Variants in RNF144A observed in about 807,000 individuals in gnomAD.
RNF144A encodes the protein ring finger protein 144A, also known as E3 ubiquitin-protein ligase RNF144A.
Under a neutral mutation model 38.7 loss-of-function variants are expected in RNF144A, and 11 were observed. That is an observed-to-expected ratio of 0.28 (90% CI 0.18 to 0.47). RNF144A has a LOEUF of 0.47. Among genes scored for constraint, RNF144A ranks in the 20% least tolerant of loss-of-function variants. The pLI, the probability that RNF144A is intolerant of heterozygous loss-of-function variation, is 0.99. For missense variants in RNF144A, 316 were observed against 377.2 expected, an observed-to-expected ratio of 0.84 and a Z score of 1.34; for synonymous variants, 149 against 143.9, an observed-to-expected ratio of 1.04 and a Z score of -0.25.
At chr2:7,029,980 C>A in intron 7 of RNF144A, 146 bp from the exon 8 acceptor site, 1 of 634,078 alleles carries the variant, frequency 1.6e-6, no homozygotes, top group Non-Finnish European at 2.8e-6. Context: ...GCCAGGTGTT[C>A]CCGGATGCGT....
chr2:6,930,083 G>A lies in RNF144A; in HGVS notation c.-211-10865G>A, dbSNP rs987913721. On this transcript the variant is annotated intron_variant, in intron 1 of 8. Transcript: ENST00000320892. ...CGCTTTGGAGAATCCAGCTCCAAGA[G>A]ATGATACTAAATGTGGAGAAAAATA... Among the ~76,000 whole-genome samples the A allele has an allele frequency of 7.2e-5, 11 of 152,266 alleles. No individual in the cohort carries two copies. The South Asian group carries it at 1.9e-3, about 26-fold the overall frequency.
Position 7,042,686 on chromosome 2 carries a change from T to C in RNF144A, c.*2926T>C, listed in dbSNP as rs55688218. The C allele has an allele frequency of 0.082, 81,115 of 985,402 alleles. 3,526 individuals carry two copies. The highest frequency in any genetic ancestry group is 0.18 in the Middle Eastern group (339 of 1,914). The allele number at this position is 985,402 out of a possible 1,614,324, so 61.0% of individuals were successfully genotyped here. A position where few individuals can be genotyped will look rare whatever the true frequency, so the allele number is the denominator to read the frequency against. ...CCAGCCAGATGAGCTTGCAGCCTCATAGGAGGTCAGCACCTTGCAAAGATG... is the reference window on the plus strand; with the variant it reads ...CCAGCCAGATGAGCTTGCAGCCTCACAGGAGGTCAGCACCTTGCAAAGATG... On this transcript the variant is annotated 3_prime_UTR_variant, in exon 9 of 9. Transcript: ENST00000320892.
intron 2 of RNF144A, among the ~76,000 whole-genome samples, chr2:6,950,274 A>C (rs1295503977): frequency 6.6e-6 from 1 of 152,176 alleles, no homozygotes; most frequent in Non-Finnish European, 1.5e-5. Flanking sequence ...GCTAAACCTT[A>C]TATCCTTTTA....
rs908157597 is a variant in RNF144A at position 7,040,707 on chromosome 2, G to A, written c.*947G>A. ...TCTTCAGATAGACAGTAAGAAGAAA[G>A]CAGCCTCATTGATCCGCAGATGTAG... On this transcript the variant is annotated 3_prime_UTR_variant, in exon 9 of 9. Coordinates refer to ENST00000320892, the MANE Select transcript of RNF144A (RefSeq NM_014746.6). The A allele has an allele frequency of 3.1e-5, 31 of 985,370 alleles. No homozygotes were observed. The African/African-American group carries it at 5.4e-4, about 17-fold the overall frequency. 61.0% of individuals were successfully genotyped at this position (985,370 alleles called of 1,614,324 possible).
Position 6,943,999 on chromosome 2 carries a change from A to G in RNF144A, c.-12+2852A>G, listed in dbSNP as rs1227314212. Among the ~76,000 whole-genome samples the G allele has an allele frequency of 2.0e-5, 3 of 152,150 alleles. No individual in the cohort carries two copies. Among genetic ancestry groups the G allele is most frequent in the Non-Finnish European group, 4.4e-5 (3 of 68,014 alleles). On this transcript the variant is annotated intron_variant, in intron 2 of 8. Transcript: ENST00000320892. This position sits in a 1 kb window ranked among gnomAD's most constrained non-coding sequence, Gnocchi z 4.3. ...GCCCTGATGGGGAGTTGAAGTGTGC[A>G]GGAGGTCAAGGATTGAGTGATCTTT...
chr2:6,978,884 G>A (rs907438466), intron 2 of RNF144A: 9 of 152,680 alleles, frequency 5.9e-5, no homozygotes, highest in African/African-American at 1.9e-4. Context: ...GTTTCCCATT[G>A]TTGTCCAGCA....
chr2:6,922,501 G>A (rs1343028784), intron 1 of RNF144A, among the ~76,000 whole-genome samples: 1 of 152,186 alleles, frequency 6.6e-6, no homozygotes, highest in Non-Finnish European at 1.5e-5. Context: ...GTGGAGCAGG[G>A]CATGTTTATT....
rs1023711988 is a variant in RNF144A at position 6,943,301 on chromosome 2, C to T, written c.-12+2154C>T. Among the ~76,000 whole-genome samples the T allele has an allele frequency of 3.9e-5, 6 of 152,158 alleles. No individual in the cohort carries two copies. The highest frequency in any genetic ancestry group is 1.4e-4 in the African/African-American group (6 of 41,412). Reference sequence around the variant, plus strand: ...AACAACCAGGGAGGAAGCGGGGGAACCAGGAGCATGGAGAGGACTGAGAAT... The same window carrying T: ...AACAACCAGGGAGGAAGCGGGGGAATCAGGAGCATGGAGAGGACTGAGAAT... On this transcript the variant is annotated intron_variant, in intron 2 of 8. Transcript: ENST00000320892. The surrounding 1 kb of genome is among the most constrained non-coding windows in gnomAD (Gnocchi z 4.3).
intron 2 of RNF144A, among the ~76,000 whole-genome samples, chr2:6,949,281 G>T (rs1411876304): frequency 6.6e-6 from 1 of 152,048 alleles, no homozygotes; most frequent in African/African-American, 2.4e-5. Flanking sequence ...CAAACAGGAG[G>T]TTTGTATATA....
intron 3 of RNF144A, among the ~76,000 whole-genome samples, chr2:6,999,449 G>A (rs577817839): frequency 6.6e-6 from 1 of 152,256 alleles, no homozygotes; most frequent in East Asian, 1.9e-4. Flanking sequence ...TTTTTGGGGG[G>A]TGCAGACATG....
chr2:6,944,686 A>G lies in RNF144A; in HGVS notation c.-12+3539A>G, dbSNP rs1277061982. Among the ~76,000 whole-genome samples the G allele has an allele frequency of 6.6e-6, 1 of 152,054 alleles. No homozygotes were observed. Among genetic ancestry groups the G allele is most frequent in the African/African-American group, 2.4e-5 (1 of 41,394 alleles). ...GGGTCTCCTCAGGTGTGAGGGAGAC[A>G]TTAAAGAACCCTGGAGAAAACACAT... On this transcript the variant is annotated intron_variant, in intron 2 of 8. Transcript: ENST00000320892. This position sits in a 1 kb window ranked among gnomAD's most constrained non-coding sequence, Gnocchi z 4.7.
intron 1 of RNF144A, among the ~76,000 whole-genome samples, chr2:6,931,114 A>G (rs1009256956): frequency 6.6e-6 from 1 of 152,198 alleles, no homozygotes; most frequent in Non-Finnish European, 1.5e-5. Flanking sequence ...GAACTGGGAC[A>G]GTGTGCCCGG....
At chr2:6,953,256 G>A (rs965816016) in intron 2 of RNF144A, among the ~76,000 whole-genome samples, 4 of 152,064 alleles carry the variant, frequency 2.6e-5, no homozygotes, top group Admixed American at 1.3e-4. Flanking sequence ...GTGAAACTCC[G>A]TGTCTTCTAA....
chr2:7,075,775 A>G, the RNF144A span, among the ~76,000 whole-genome samples: 2,343 of 152,260 alleles, frequency 0.015, 62 homozygotes, highest in African/African-American at 0.054. Context: ...TCAGCCTTGA[A>G]AGACACATGG....
chr2:6,976,554 AATTT>A (rs1222900299), intron 2 of RNF144A, among the ~76,000 whole-genome samples: 1 of 149,954 alleles, frequency 6.7e-6, no homozygotes, highest in African/African-American at 2.4e-5. Flanking sequence ...AAGGTTTTGA[AATTT>A]ATATATATAT....
intron 1 of RNF144A, among the ~76,000 whole-genome samples, chr2:6,934,961 A>G (rs1665472609): frequency 6.6e-6 from 1 of 152,226 alleles, no homozygotes; most frequent in Non-Finnish European, 1.5e-5. Flanking sequence ...CACTCAAAAA[A>G]AAGAAAAAAA....
At chr2:7,028,557 C>T (rs763348155) in intron 7 of RNF144A, among the ~76,000 whole-genome samples, 1 of 152,160 alleles carries the variant, frequency 6.6e-6, no homozygotes, top group Non-Finnish European at 1.5e-5. Flanking sequence ...ATTTGGTTTG[C>T]GTTTCAGAAA....
At chr2:7,047,917 C>T (rs142357660), downstream of RNF144A, among the ~76,000 whole-genome samples, 332 of 152,236 alleles carry the variant, frequency 2.2e-3, 11 homozygotes, top group East Asian at 0.055. Context: ...GCTGGGAACC[C>T]AAGTCTGCCC....
rs889214774 is a variant in RNF144A, at chr2:7,019,039, A to T, written c.302-1434A>T. Among the ~76,000 whole-genome samples the T allele has an allele frequency of 2.0e-5, 3 of 152,354 alleles. No homozygotes were observed. In the South Asian group the frequency reaches 6.2e-4, roughly 32 times the overall value. Reference sequence around the variant, plus strand: ...ATCACTGTGTCTGCTTTTATGCAACAGCAAAGCCCAGTAGCTGCGACAGAA... The same window carrying T: ...ATCACTGTGTCTGCTTTTATGCAACTGCAAAGCCCAGTAGCTGCGACAGAA... On this transcript the variant is annotated intron_variant, in intron 5 of 8. Transcript: ENST00000320892.
Sources: gnomAD v4.1 joint callset for allele counts (sites outside exome capture counted in the v4.1 genomes callset) on GRCh38, gnomAD v4.1.1 for gene constraint, Gnocchi (gnomAD v3.1) non-coding constraint, MANE v1.5 for transcripts, NCBI Gene and HGNC (gene_info 2026-07-23, HGNC 2026-07-21) for gene names.